The following NCMAP variants were observed in gnomAD, a reference collection of about 807,000 sequenced individuals.
NCMAP encodes the protein noncompact myelin-associated protein.
A neutral mutation model predicts 7.8 loss-of-function variants in NCMAP; 8 were observed. The observed-to-expected ratio is 1.02, with a 90% confidence interval of 0.60 to 1.84. The LOEUF is 1.84. NCMAP is among the 40% of genes most tolerant of loss of function. The pLI, the probability that NCMAP is intolerant of heterozygous loss-of-function variation, is 0.00. For synonymous variants in NCMAP, 41 were observed against 52.9 expected (o/e 0.78, Z 0.98); for missense variants, 112 against 131.4 (o/e 0.85, Z 0.72).
At chr1:24,580,841 T>G (rs1651721877) in intron 1 of NCMAP, among the ~76,000 whole-genome samples, 1 of 152,226 alleles carries the variant, frequency 6.6e-6, no homozygotes, top group East Asian at 1.9e-4. Context: ...GGGGGGCTTC[T>G]TCAGTGCAAT....
At chr1:24,567,515 C>T (rs986445269) in intron 1 of NCMAP, among the ~76,000 whole-genome samples, 1 of 152,144 alleles carries the variant, frequency 6.6e-6, no homozygotes, top group Non-Finnish European at 1.5e-5. Flanking sequence ...GCACACAAAA[C>T]CCTTACACAG....
In NCMAP at chr1:24,601,053, C is replaced by G. The variant is rs1302299915; in HGVS notation, c.167+29C>G. On this transcript the variant is annotated intron_variant, in intron 3 of 3. Coordinates refer to ENST00000374392, the MANE Select transcript of NCMAP (RefSeq NM_001010980.5). ...CGGATGCCCTGGGCTTTGGAACTGCCTGGACGGTCCCTTCAGTGACATCAG... is the reference window on the plus strand; with the variant it reads ...CGGATGCCCTGGGCTTTGGAACTGCGTGGACGGTCCCTTCAGTGACATCAG... 4 of 1,585,782 alleles carry G rather than the reference C, an allele frequency of 2.5e-6. No individual in the cohort carries two copies. In the Admixed American group the frequency reaches 6.7e-5, roughly 26 times the overall value.
intron 1 of NCMAP, among the ~76,000 whole-genome samples, chr1:24,567,979 C>T (rs1170965032): frequency 6.6e-6 from 1 of 151,928 alleles, no homozygotes; most frequent in Non-Finnish European, 1.5e-5. Context: ...GAGGGTTCCG[C>T]GACGCCCTGG....
chr1:24,602,152 A>G (rs937967454), intron 3 of NCMAP, among the ~76,000 whole-genome samples: 4 of 152,150 alleles, frequency 2.6e-5, no homozygotes, highest in African/African-American at 9.7e-5. Context: ...GGTAATCTCA[A>G]TCATACACAT....
chr1:24,593,324 A>T (rs1652106048), intron 1 of NCMAP, among the ~76,000 whole-genome samples: 1 of 151,754 alleles, frequency 6.6e-6, no homozygotes, highest in Non-Finnish European at 1.5e-5. Flanking sequence ...GCCTCTATAA[A>T]AAAAAAAGAG....
chr1:24,566,826 G>A (rs1325897029), intron 1 of NCMAP, among the ~76,000 whole-genome samples: 1 of 152,116 alleles, frequency 6.6e-6, no homozygotes, highest in Admixed American at 6.6e-5. Context: ...TGCAAGGCCA[G>A]GCTAGGCACT....
Position 24,584,303 on chromosome 1 carries a change from G to A in NCMAP, c.-7-11121G>A, listed in dbSNP as rs184244545. On this transcript the variant is annotated intron_variant, in intron 1 of 3. Coordinates refer to ENST00000374392, the MANE Select transcript of NCMAP (RefSeq NM_001010980.5). ...AGTCAATCTCCACCACAATGTCCAC[G>A]GGTCTCTTCCTCCCACCGACTTCTG... is the stretch of plus-strand genomic sequence containing the variant. Among the ~76,000 whole-genome samples the A allele has an allele frequency of 1.0e-3, 155 of 152,266 alleles. 1 individual carries two copies. The East Asian group carries it at 0.023, about 23-fold the overall frequency.
intron 2 of NCMAP, among the ~76,000 whole-genome samples, chr1:24,599,692 C>T (rs552272328): frequency 2.0e-5 from 3 of 152,186 alleles, no homozygotes; most frequent in Admixed American, 2.0e-4. Context: ...ATTCTCCTGC[C>T]TCAGCCTCCT....
chr1:24,599,526 CAG>C (rs1294663288), intron 2 of NCMAP, among the ~76,000 whole-genome samples: 1 of 152,068 alleles, frequency 6.6e-6, no homozygotes, highest in Non-Finnish European at 1.5e-5. Flanking sequence ...TATAATTAAA[CAG>C]AAAGATGATT....
At chr1:24,593,763 A>C (rs1652123160) in intron 1 of NCMAP, among the ~76,000 whole-genome samples, 1 of 152,082 alleles carries the variant, frequency 6.6e-6, no homozygotes, top group South Asian at 2.1e-4. Flanking sequence ...TGGGCTTCCA[A>C]ATTGTCAGCA....
chr1:24,564,717 GA>G (rs1366249683), intron 1 of NCMAP, among the ~76,000 whole-genome samples: 1 of 151,748 alleles, frequency 6.6e-6, no homozygotes, highest in Non-Finnish European at 1.5e-5. Flanking sequence ...AAAGAATAAG[GA>G]AAAATTCACA....
At chr1:24,579,285 CTG>C (rs1651681304) in intron 1 of NCMAP, among the ~76,000 whole-genome samples, 1 of 151,876 alleles carries the variant, frequency 6.6e-6, no homozygotes, top group South Asian at 2.1e-4. Context: ...TCTTAGCTGT[CTG>C]AATATATCAA....
intron 1 of NCMAP, among the ~76,000 whole-genome samples, chr1:24,556,691 GGGTCGCTCATCCAGC>G: frequency 6.6e-6 from 1 of 152,010 alleles, no homozygotes; most frequent in South Asian, 2.1e-4. Flanking sequence ...AGGGGCTCGG[GGGTCGCTCATCCAGC>G]AGCGCTCCTG....
chr1:24,586,808 A>T (rs1651895508), intron 1 of NCMAP, among the ~76,000 whole-genome samples: 1 of 150,594 alleles, frequency 6.6e-6, no homozygotes, highest in South Asian at 2.1e-4. Context: ...TGGGGCTTTG[A>T]TTGGCCATTA....
intron 1 of NCMAP, among the ~76,000 whole-genome samples, chr1:24,580,802 G>A (rs1460275873): frequency 2.0e-5 from 3 of 152,182 alleles, no homozygotes; most frequent in Non-Finnish European, 2.9e-5. Context: ...GACGTTTGGT[G>A]ATCTCTGTCA....
intron 3 of NCMAP, among the ~76,000 whole-genome samples, chr1:24,604,881 G>A (rs1434236095): frequency 1.3e-5 from 2 of 151,230 alleles, no homozygotes; most frequent in East Asian, 2.0e-4. Context: ...TTGGGAGGCC[G>A]AAGTGGGTGG....
intron 1 of NCMAP, among the ~76,000 whole-genome samples, chr1:24,577,414 T>G (rs1557596554): frequency 1.7e-4 from 24 of 145,294 alleles, no homozygotes; most frequent in South Asian, 1.1e-3. Context: ...TTTTTTTTTT[T>G]TTTTTTTTTT....
At chr1:24,562,566 C>T (rs537985634) in intron 1 of NCMAP, among the ~76,000 whole-genome samples, 10 of 152,326 alleles carry the variant, frequency 6.6e-5, no homozygotes, top group African/African-American at 2.4e-4. Flanking sequence ...CTTGACAGAC[C>T]CCGGAGCCTG....
chr1:24,586,185 A>T (rs1651874288), intron 1 of NCMAP, among the ~76,000 whole-genome samples: 1 of 152,168 alleles, frequency 6.6e-6, no homozygotes, highest in Admixed American at 6.5e-5. Context: ...CAAAGATGAA[A>T]ATCCAGGTCT....
Sources: gnomAD v4.1 joint callset for allele counts (sites outside exome capture counted in the v4.1 genomes callset) on GRCh38, gnomAD v4.1.1 for gene constraint, MANE v1.5 for transcripts, NCBI Gene and HGNC (gene_info 2026-07-23, HGNC 2026-07-21) for gene names.